The following DMXL1 variants were observed in gnomAD, a reference collection of about 807,000 sequenced individuals.
DMXL1 encodes the protein dmX-like protein 1.
In DMXL1, 99 loss-of-function variants were observed where a neutral mutation model predicts 319.2. That is an observed-to-expected ratio of 0.31 (90% CI 0.26 to 0.37). The LOEUF is 0.37. DMXL1 is among the 10% of genes least tolerant of loss of function. The pLI is 1.00. For missense variants in DMXL1, 3,745 were observed against 3,595.6 expected (o/e 1.04, Z -1.06); for synonymous variants, 1,385 against 1,235.2 (o/e 1.12, Z -2.54).
chr5:119,117,914 C>G (rs1229308709), intron 7 of DMXL1, among the ~76,000 whole-genome samples: 2 of 152,154 alleles, frequency 1.3e-5, no homozygotes, highest in Non-Finnish European at 2.9e-5. Flanking sequence ...CTGATAAAAC[C>G]TGCTGATTGT....
intron 1 of DMXL1, 55 bp from the exon 2 acceptor site, chr5:119,097,924 A>G (rs903089373): frequency 2.8e-6 from 4 of 1,436,228 alleles, no homozygotes; most frequent in Non-Finnish European, 3.8e-6. Flanking sequence ...CTAGTATTCT[A>G]CATGGTAAAT....
In DMXL1 at chr5:119,220,523, G is replaced by A; in HGVS notation, c.8065G>A (p.Asp2689Asn). Residue 2689 changes from aspartate to asparagine, a missense_variant, in exon 36 of 44, where the codon GAT (aspartate) becomes AAT (asparagine). Physicochemically the swap from Asp to Asn is conservative, Grantham distance 23. This residue lies in a region of DMXL1 where 1,382 missense variants were observed against 1,269.5 expected (regional missense o/e 1.09). Coordinates refer to ENST00000539542, the MANE Select transcript of DMXL1 (RefSeq NM_001290321.3). ...TTCCAGTCATGATGTTCAAGAACTGGATGTTTCTGGAATTCTGGCCACACA... is the reference window on the plus strand; with the variant it reads ...TTCCAGTCATGATGTTCAAGAACTGAATGTTTCTGGAATTCTGGCCACACA... Reference protein sequence around the residue: ...IASSHDVQELDVSGILATQVY... With the variant: ...IASSHDVQELNVSGILATQVY... The A allele has an allele frequency of 6.2e-7, 1 of 1,613,754 alleles. No individual in the cohort carries two copies. Among genetic ancestry groups the A allele is most frequent in the Non-Finnish European group, 8.5e-7 (1 of 1,179,812 alleles).
chr5:119,082,694 C>T (rs1400628167), intron 1 of DMXL1, among the ~76,000 whole-genome samples: 3 of 152,234 alleles, frequency 2.0e-5, no homozygotes, highest in Non-Finnish European at 2.9e-5. Context: ...GCATATCCAG[C>T]ACCTTAAATA....
intron 37 of DMXL1, among the ~76,000 whole-genome samples, chr5:119,223,056 T>TG (rs1486360559): frequency 1.8e-5 from 2 of 111,654 alleles, no homozygotes; most frequent in East Asian, 3.4e-4. Flanking sequence ...TACTTAGTTG[T>TG]GTTTTTTTTT....
At chr5:119,209,828 A>G (rs537321852) in intron 34 of DMXL1, among the ~76,000 whole-genome samples, 1 of 152,050 alleles carries the variant, frequency 6.6e-6, no homozygotes, top group Admixed American at 6.5e-5. Context: ...TTTATTTTGT[A>G]TTAGGTTGCT....
intron 13 of DMXL1, among the ~76,000 whole-genome samples, chr5:119,136,354 C>A (rs940218075): frequency 1.3e-5 from 2 of 152,270 alleles, no homozygotes; most frequent in East Asian, 3.9e-4. Flanking sequence ...TGTTAACTTA[C>A]GTTTAAAAGG....
Position 119,133,309 on chromosome 5 carries a change from C to T in DMXL1, c.1493C>T (p.Pro498Leu), listed in dbSNP as rs140435702. 1 of 1,613,996 alleles carries T rather than the reference C, an allele frequency of 6.2e-7. No homozygotes were observed. The highest frequency in any genetic ancestry group is 1.7e-5 in the Admixed American group (1 of 60,016). Reference sequence around the variant, plus strand: ...GCAGATATGCTATTTAGTATTCATCCCATGGATGGTTCTTTGCTAGTTTGG... The same window carrying T: ...GCAGATATGCTATTTAGTATTCATCTCATGGATGGTTCTTTGCTAGTTTGG... Reference protein sequence around the residue: ...KNADMLFSIHPMDGSLLVWHV... With the variant: ...KNADMLFSIHLMDGSLLVWHV... Residue 498 changes from proline to leucine, a missense_variant, in exon 11 of 44, where the codon CCC (proline) becomes CTC (leucine). Physicochemically the swap from Pro to Leu is moderately conservative, Grantham distance 98. Transcript: ENST00000539542.
At chr5:119,212,055 A>G (rs916418871) in intron 34 of DMXL1, among the ~76,000 whole-genome samples, 1 of 152,346 alleles carries the variant, frequency 6.6e-6, no homozygotes, top group African/African-American at 2.4e-5. Flanking sequence ...GTGGTAAAAT[A>G]TAAATAACAT....
chr5:119,196,021 C>T (rs977249570), intron 30 of DMXL1, among the ~76,000 whole-genome samples: 1 of 152,126 alleles, frequency 6.6e-6, no homozygotes, highest in Non-Finnish European at 1.5e-5. Context: ...TGGCATACTA[C>T]ATACAGTGTT....
intron 42 of DMXL1, among the ~76,000 whole-genome samples, chr5:119,240,838 T>G (rs1788638857): frequency 6.6e-6 from 1 of 151,996 alleles, no homozygotes; most frequent in Non-Finnish European, 1.5e-5. Context: ...GGAAATAAAA[T>G]GTATATAAAT....
chr5:119,180,189 T>G (rs777184012), intron 28 of DMXL1, among the ~76,000 whole-genome samples: 1 of 152,232 alleles, frequency 6.6e-6, no homozygotes, highest in Non-Finnish European at 1.5e-5. Flanking sequence ...CAACTGAAGT[T>G]AATATTTTGG....
At chr5:119,072,190 A>G (rs929942344) in intron 1 of DMXL1, among the ~76,000 whole-genome samples, 2 of 152,202 alleles carry the variant, frequency 1.3e-5, no homozygotes, top group African/African-American at 4.8e-5. Flanking sequence ...TCGGAAAGAA[A>G]AAAAAGCCTT....
rs1190582581 is a variant in DMXL1, at chr5:119,170,358, G to A, written c.5567G>A (p.Arg1856His). ...LAGTINLSER[R>H]LFFTTASAHL... ...GGAACAATTAATTTAAGTGAAAGACGTTTATTTTTTACCACTGCCAGTGCT... is the reference window on the plus strand; with the variant it reads ...GGAACAATTAATTTAAGTGAAAGACATTTATTTTTTACCACTGCCAGTGCT... The change falls in exon 24 of 44, where the codon CGT (arginine) becomes CAT (histidine). Residue 1856 changes from arginine (R) to histidine (H), a missense_variant. Physicochemically the swap from Arg to His is conservative, Grantham distance 29. This residue lies in a region of DMXL1 where 1,382 missense variants were observed against 1,269.5 expected (regional missense o/e 1.09). Coordinates refer to ENST00000539542, the MANE Select transcript of DMXL1 (RefSeq NM_001290321.3). The A allele has an allele frequency of 4.3e-6, 7 of 1,613,794 alleles. No homozygotes were observed. Among genetic ancestry groups the A allele is most frequent in the Admixed American group, 1.7e-5 (1 of 59,984 alleles).
chr5:119,126,205 C>T (rs1763532467), intron 9 of DMXL1, among the ~76,000 whole-genome samples: 1 of 152,154 alleles, frequency 6.6e-6, no homozygotes, highest in Non-Finnish European at 1.5e-5. Context: ...ATCGCTTGAA[C>T]CTGGGAGGCG....
chr5:119,166,291 G>A (rs573030309), intron 21 of DMXL1, among the ~76,000 whole-genome samples: 2 of 152,248 alleles, frequency 1.3e-5, no homozygotes, highest in African/African-American at 4.8e-5. Context: ...GATGGCAGGG[G>A]TGAAAAGATA....
intron 1 of DMXL1, among the ~76,000 whole-genome samples, chr5:119,077,904 T>G (rs1580553670): frequency 6.8e-6 from 1 of 145,992 alleles, no homozygotes; most frequent in Admixed American, 6.8e-5. Flanking sequence ...CACACACGTA[T>G]ATATTTTTTA....
intron 1 of DMXL1, among the ~76,000 whole-genome samples, chr5:119,077,419 A>G (rs917067331): frequency 2.0e-5 from 3 of 151,790 alleles, no homozygotes; most frequent in African/African-American, 7.3e-5. Flanking sequence ...AGACATCTGT[A>G]AAACCAGTTT....
chr5:119,197,135 A>G (rs954288405), intron 31 of DMXL1, among the ~76,000 whole-genome samples: 2 of 152,224 alleles, frequency 1.3e-5, no homozygotes, highest in Non-Finnish European at 2.9e-5. Context: ...AGTATTATTT[A>G]ATTTTAACTT....
chr5:119,241,810 G>C (rs1420306188), intron 42 of DMXL1, among the ~76,000 whole-genome samples: 2 of 152,150 alleles, frequency 1.3e-5, no homozygotes. Context: ...GTTTACTGGA[G>C]AGAAGACCTG....
Sources: gnomAD v4.1 joint callset for allele counts (sites outside exome capture counted in the v4.1 genomes callset) on GRCh38, gnomAD v4.1.1 for gene constraint, gnomAD v4.1.1 regional missense constraint, MANE v1.5 for transcripts, NCBI Gene and HGNC (gene_info 2026-07-23, HGNC 2026-07-21) for gene names.